Variants in AAK1 observed in about 807,000 individuals in gnomAD.
AAK1 encodes the protein AP2-associated protein kinase 1.
Under a neutral mutation model 116.0 loss-of-function variants are expected in AAK1, and 37 were observed. The ratio of observed to expected loss-of-function variants is 0.32; its 90% CI spans 0.25 to 0.42. The LOEUF (loss-of-function observed/expected upper bound fraction) is 0.42, where lower values mean the gene tolerates loss of function less well. Ranked by LOEUF, AAK1 falls within the 10% of genes least tolerant of loss-of-function variation. The pLI is 1.00. For missense variants in AAK1, 919 were observed against 1,170.6 expected, an observed-to-expected ratio of 0.79 and a Z score of 3.14; for synonymous variants, 458 against 439.9, an observed-to-expected ratio of 1.04 and a Z score of -0.51.
chr2:69,591,193 G>A (rs944938916), intron 2 of AAK1, among the ~76,000 whole-genome samples: 1 of 152,122 alleles, frequency 6.6e-6, no homozygotes, highest in African/African-American at 2.4e-5. Flanking sequence ...GGCACAAAGT[G>A]GAGAAAGAAC....
intron 2 of AAK1, among the ~76,000 whole-genome samples, chr2:69,639,130 T>C (rs1298504901): frequency 6.6e-6 from 1 of 152,252 alleles, no homozygotes; most frequent in African/African-American, 2.4e-5. Flanking sequence ...CCTGGATTCC[T>C]TGAATATAAA....
rs1674276324 is a variant in AAK1, at chr2:69,458,943, G to A, written c.*16926C>T. On this transcript the variant is annotated 3_prime_UTR_variant, in exon 22 of 22. Coordinates refer to ENST00000409085, the MANE Select transcript of AAK1 (RefSeq NM_014911.5). ...ACATATAGTTCCATTATAATGCAAT[G>A]CAGGTAACACTAACTTGATTTCAAG... 1.3e-5 allele frequency: 2 copies of A among 152,332 alleles called. No homozygotes were observed. The highest frequency in any genetic ancestry group is 4.8e-5 in the African/African-American group (2 of 41,450). 9.4% of individuals were successfully genotyped at this position (152,332 alleles called of 1,614,324 possible). A position where few individuals can be genotyped will look rare whatever the true frequency, so the allele number is the denominator to read the frequency against.
chr2:69,495,384 C>T (rs1248470514), intron 17 of AAK1, among the ~76,000 whole-genome samples: 3 of 152,176 alleles, frequency 2.0e-5, no homozygotes, highest in Non-Finnish European at 2.9e-5. Flanking sequence ...GATATTCAAA[C>T]TCCTGCAGTC....
At position 69,465,413 on chromosome 2, in the gene AAK1, C is replaced by A; in HGVS notation, c.*10456G>T. ...GGATAGAGACAAGAGGCTTGAGGCT[C>A]AGGTTTTGCTCCTAGGGTTTCTTGC... On this transcript the variant is annotated 3_prime_UTR_variant, in exon 22 of 22. Transcript: ENST00000409085. 2 of 1,274,866 alleles carry A rather than the reference C, an allele frequency of 1.6e-6. No individual in the cohort carries two copies. The highest frequency in any genetic ancestry group is 1.0e-6 in the Non-Finnish European group (1 of 979,196). The allele number at this position is 1,274,866 out of a possible 1,614,324, so 79.0% of individuals were successfully genotyped here. A position where few individuals can be genotyped will look rare whatever the true frequency, so the allele number is the denominator to read the frequency against.
intron 7 of AAK1, 56 bp from the exon 8 acceptor site, chr2:69,530,196 T>A: frequency 1.3e-6 from 2 of 1,523,846 alleles, no homozygotes; most frequent in Non-Finnish European, 1.8e-6. Flanking sequence ...TGACTCTAAA[T>A]GGATCTAATG....
rs75940299 is a variant in AAK1 at position 69,502,181 on chromosome 2, T to A, written c.2269+3388A>T. 8.1e-3 allele frequency among the ~76,000 whole-genome samples: 1,233 copies of A among 152,106 alleles called. 13 individuals carry two copies. Among genetic ancestry groups the A allele is most frequent in the African/African-American group, 0.028 (1,151 of 41,456 alleles). On this transcript the variant is annotated intron_variant, in intron 16 of 21. Transcript: ENST00000409085. ...GATATTAAAAGATATATATATATAT[T>A]GTTGTACTTTAATGAAAAATTTTAA...
intron 15 of AAK1, among the ~76,000 whole-genome samples, chr2:69,507,140 T>C (rs777261163): frequency 1.3e-5 from 2 of 152,202 alleles, no homozygotes; most frequent in African/African-American, 2.4e-5. Context: ...TCCTGGACTA[T>C]GTCACAAACC....
At chr2:69,632,742 CA>C (rs945474961) in intron 2 of AAK1, among the ~76,000 whole-genome samples, 25 of 143,356 alleles carry the variant, frequency 1.7e-4, no homozygotes, top group Admixed American at 2.1e-4. Context: ...ACTAAAAATA[CA>C]AAAAAAAAAG....
At chr2:69,504,395 C>T (rs1419111745) in intron 16 of AAK1, among the ~76,000 whole-genome samples, 26 of 72,412 alleles carry the variant, frequency 3.6e-4, no homozygotes, top group Non-Finnish European at 4.1e-4. Context: ...GAGACTCCAT[C>T]TCAAAAAAAA....
intron 17 of AAK1, among the ~76,000 whole-genome samples, chr2:69,487,988 G>A (rs771691185): frequency 2.0e-5 from 3 of 151,780 alleles, no homozygotes; most frequent in African/African-American, 7.3e-5. Flanking sequence ...ATGGGGTTTC[G>A]CCATGTGGGC....
At chr2:69,535,822 G>T (rs1009020789) in intron 5 of AAK1, among the ~76,000 whole-genome samples, 3 of 152,180 alleles carry the variant, frequency 2.0e-5, no homozygotes, top group Non-Finnish European at 4.4e-5. Flanking sequence ...GACCTACTAT[G>T]AACCACTGCT....
chr2:69,629,642 T>C (rs1399317735), intron 2 of AAK1, among the ~76,000 whole-genome samples: 2 of 151,656 alleles, frequency 1.3e-5, no homozygotes, highest in African/African-American at 4.9e-5. Flanking sequence ...ATAAGGGAGG[T>C]TTGTATATCT....
At chr2:69,586,513 C>T in intron 2 of AAK1, among the ~76,000 whole-genome samples, 1 of 152,196 alleles carries the variant, frequency 6.6e-6, no homozygotes. Context: ...TGTGGCTCTG[C>T]ATTAACCAGC....
chr2:69,601,875 C>T (rs965962824), intron 2 of AAK1, among the ~76,000 whole-genome samples: 1 of 152,140 alleles, frequency 6.6e-6, no homozygotes, highest in African/African-American at 2.4e-5. Flanking sequence ...AAAATACTTA[C>T]TAATTACAAA....
chr2:69,497,410 C>A (rs1318087807), intron 16 of AAK1, among the ~76,000 whole-genome samples: 1 of 137,340 alleles, frequency 7.3e-6, no homozygotes, highest in Non-Finnish European at 1.5e-5. Flanking sequence ...TCAAGCAATT[C>A]TCTGCCTCAG....
intron 15 of AAK1, among the ~76,000 whole-genome samples, chr2:69,506,030 G>T (rs555109474): frequency 1.3e-5 from 2 of 152,168 alleles, no homozygotes; most frequent in East Asian, 3.8e-4. Flanking sequence ...GCTCTAATGA[G>T]TTTGATGATC....
chr2:69,637,204 T>C (rs1021320098), intron 2 of AAK1, among the ~76,000 whole-genome samples: 23 of 152,212 alleles, frequency 1.5e-4, no homozygotes, highest in Non-Finnish European at 3.1e-4. Flanking sequence ...TAAGTTCTCA[T>C]TTTTGAAGAC....
chr2:69,471,440 T>C lies in AAK1; in HGVS notation c.*4429A>G, dbSNP rs1261349616. ...GGCTGACTTTGTGTTGATAAAATTA[T>C]AGCCTTTAGAGAGGAATAAAGATAG... On this transcript the variant is annotated 3_prime_UTR_variant, in exon 22 of 22. Transcript: ENST00000409085. 2 of 985,372 alleles carry C rather than the reference T, an allele frequency of 2.0e-6. No homozygotes were observed. The highest frequency in any genetic ancestry group is 1.1e-4 in the East Asian group (1 of 8,834). The allele number at this position is 985,372 out of a possible 1,614,324, so 61.0% of individuals were successfully genotyped here.
chr2:69,583,481 CA>C (rs1672631295), intron 2 of AAK1, among the ~76,000 whole-genome samples: 1 of 152,154 alleles, frequency 6.6e-6, no homozygotes, highest in African/African-American at 2.4e-5. Context: ...AACCTGAAGG[CA>C]AAGAGATTTT....
Sources: allele counts gnomAD v4.1 joint callset (sites outside exome capture counted in the v4.1 genomes callset), GRCh38; gene constraint gnomAD v4.1.1; transcripts MANE v1.5; gene names NCBI Gene and HGNC (gene_info 2026-07-23, HGNC 2026-07-21).